The following D2HGDH variants were observed in gnomAD, a reference collection of about 807,000 sequenced individuals.
D2HGDH encodes D-2-hydroxyglutarate dehydrogenase, mitochondrial.
D2HGDH carries 31 observed loss-of-function variants against 46.9 expected under a neutral mutation model. The observed-to-expected ratio is 0.66, with a 90% CI of 0.50 to 0.89. The LOEUF (loss-of-function observed/expected upper bound fraction) is 0.89, where lower values mean the gene tolerates loss of function less well. Ranked by LOEUF, D2HGDH falls within the 40% of genes least tolerant of loss-of-function variation. The pLI is 0.00. For synonymous variants in D2HGDH, 364 were observed against 332.6 expected, an observed-to-expected ratio of 1.09 and a Z score of -1.03; for missense variants, 698 against 720.8, an observed-to-expected ratio of 0.97 and a Z score of 0.36.
In D2HGDH at chr2:241,768,036, G is replaced by A. The variant is rs999415815; in HGVS notation, c.*67G>A. 72 of 1,513,010 alleles carry A rather than the reference G, an allele frequency of 4.8e-5. No homozygotes were observed. The East Asian group carries it at 1.2e-3, about 25-fold the overall frequency. The allele number at this position is 1,513,010 out of a possible 1,614,324, so 93.7% of individuals were successfully genotyped here. ...GGTGGCTCTCGGGCGGGGGTGTTGC[G>A]GTGGCTCTGAGGGATGAGCCGGCAG... On this transcript the variant is annotated 3_prime_UTR_variant, in exon 10 of 10. Coordinates refer to ENST00000321264, the MANE Select transcript of D2HGDH (RefSeq NM_152783.5).
chr2:241,749,511 G>A (rs573841199), intron 6 of D2HGDH: 9 of 607,608 alleles, frequency 1.5e-5, no homozygotes, highest in African/African-American at 1.2e-4. Flanking sequence ...CCAGGGCAGC[G>A]GCCTCACTGG....
At chr2:241,755,263 C>T in intron 8 of D2HGDH, 1 of 1,267,962 alleles carries the variant, frequency 7.9e-7, no homozygotes, top group Non-Finnish European at 1.0e-6. Context: ...CATGTCCTTC[C>T]CTCCCCTGTG....
At chr2:241,760,617 C>T (rs1575332296) in intron 9 of D2HGDH, among the ~76,000 whole-genome samples, 2 of 151,752 alleles carry the variant, frequency 1.3e-5, no homozygotes, top group African/African-American at 4.8e-5. Context: ...GTGGGCCTTA[C>T]CCAATCAGTC....
chr2:241,735,389 G>A lies in D2HGDH; in HGVS notation c.165G>A (p.Arg55=), dbSNP rs1330640846. ...TGACCCGGGAGCGCTACCCCGTGCG[G>A]CGCTTGCCGTTCTCCACGGTGTCTA... ...VPLTRERYPV[R]RLPFSTVSKQ... is the part of the protein sequence containing the mutation. Residue 55 remains arginine (R), a synonymous_variant, in exon 2 of 10, where the codon CGG becomes CGA. Coordinates refer to ENST00000321264, the MANE Select transcript of D2HGDH (RefSeq NM_152783.5). 5 of 1,592,632 alleles carry A rather than the reference G, an allele frequency of 3.1e-6. No homozygotes were observed. Among genetic ancestry groups the A allele is most frequent in the South Asian group, 1.1e-5 (1 of 88,684 alleles).
In D2HGDH at chr2:241,743,535, T is replaced by C; in HGVS notation, c.491-87T>C. 1 of 1,481,174 alleles carries C rather than the reference T, an allele frequency of 6.8e-7. No homozygotes were observed. 91.8% of individuals were successfully genotyped at this position (1,481,174 alleles called of 1,614,324 possible). On this transcript the variant is annotated intron_variant, in intron 4 of 9. Transcript: ENST00000321264. The surrounding 1 kb of genome is among the most constrained non-coding windows in gnomAD (Gnocchi z 4.8). ...GAGGCTGATGTTCCTTCTGGGTGGC[T>C]TGCCTGTGCAAGATGGGGGTTGGGA...
rs184924693 is a variant in D2HGDH, at chr2:241,755,303, C to T, written c.1141-546C>T. On this transcript the variant is annotated intron_variant, in intron 8 of 9. Transcript: ENST00000321264. Reference sequence around the variant, plus strand: ...ACCCGCCATGTCCCTGCCTCCCACCCGACATGCCCCTTGAGCTGCCTGGGC... The same window carrying T: ...ACCCGCCATGTCCCTGCCTCCCACCTGACATGCCCCTTGAGCTGCCTGGGC... 1,577 of 1,303,008 alleles carry T rather than the reference C, an allele frequency of 1.2e-3. 1 individual carries two copies. Among genetic ancestry groups the T allele is most frequent in the Non-Finnish European group, 1.4e-3 (1,377 of 988,926 alleles). The allele number at this position is 1,303,008 out of a possible 1,614,324, so 80.7% of individuals were successfully genotyped here.
Position 241,743,497 on chromosome 2 carries a change from C to A in D2HGDH, c.491-125C>A. ...GCGATGTGGGGGTGCCTCTTCTCCT[C>A]AGCCCTGGCGCTGAGGCTGATGTTC... is the stretch of plus-strand genomic sequence containing the variant. On this transcript the variant is annotated intron_variant, in intron 4 of 9. Transcript: ENST00000321264. This position sits in a 1 kb window ranked among gnomAD's most constrained non-coding sequence, Gnocchi z 4.8. The A allele has an allele frequency of 9.0e-7, 1 of 1,114,264 alleles. No homozygotes were observed. 69.0% of individuals were successfully genotyped at this position (1,114,264 alleles called of 1,614,324 possible).
rs996728245 is a variant in D2HGDH at position 241,743,588 on chromosome 2, C to T, written c.491-34C>T. 1.2e-6 allele frequency: 2 copies of T among 1,602,978 alleles called. No individual in the cohort carries two copies. The highest frequency in any genetic ancestry group is 1.7e-6 in the Non-Finnish European group (2 of 1,175,572). ...CACCAGCCCGGGGGCCCACTGGAAG[C>T]CAAGTGCTGCGGCAGCCTGGTCACT... is the stretch of plus-strand genomic sequence containing the variant. On this transcript the variant is annotated intron_variant, in intron 4 of 9. Transcript: ENST00000321264. This position sits in a 1 kb window ranked among gnomAD's most constrained non-coding sequence, Gnocchi z 4.8.
intron 8 of D2HGDH, chr2:241,755,426 G>A (rs555692082): frequency 6.9e-5 from 90 of 1,308,498 alleles, no homozygotes; most frequent in Middle Eastern, 2.1e-4. Flanking sequence ...TCATCCTCAG[G>A]GCCTTCCCTG....
At chr2:241,753,001 G>A (rs1276348767) in intron 8 of D2HGDH, among the ~76,000 whole-genome samples, 2 of 151,332 alleles carry the variant, frequency 1.3e-5, no homozygotes, top group South Asian at 2.1e-4. Flanking sequence ...CCCCTCCACA[G>A]CCTGGTCCAG....
chr2:241,764,832 T>C (rs1329309479), intron 9 of D2HGDH, among the ~76,000 whole-genome samples: 1 of 152,182 alleles, frequency 6.6e-6, no homozygotes, highest in Non-Finnish European at 1.5e-5. Context: ...TCTGGCTCCC[T>C]CTCCTGCTGG....
chr2:241,735,356 G>C lies in D2HGDH; in HGVS notation c.132G>C (p.Glu44Asp). 3 of 1,563,608 alleles carry C rather than the reference G, an allele frequency of 1.9e-6. No homozygotes were observed. The highest frequency in any genetic ancestry group is 2.6e-6 in the Non-Finnish European group (3 of 1,158,646). ...GCTGCTCCGCCCCGGGGACCCCCGA[G>C]GTGCCGCTGACCCGGGAGCGCTACC... is the stretch of plus-strand genomic sequence containing the variant. Reference protein sequence around the residue: ...RGCCSAPGTPEVPLTRERYPV... With the variant: ...RGCCSAPGTPDVPLTRERYPV... Residue 44 changes from glutamate to aspartate, a missense_variant, in exon 2 of 10, where the codon GAG becomes GAC. Transcript: ENST00000321264.
At chr2:241,764,308 G>A (rs1420485276) in intron 9 of D2HGDH, among the ~76,000 whole-genome samples, 1 of 152,226 alleles carries the variant, frequency 6.6e-6, no homozygotes, top group Non-Finnish European at 1.5e-5. Flanking sequence ...TCCCAGCTGG[G>A]ATGGACCCTG....
chr2:241,744,464 C>T (rs1695346853), intron 5 of D2HGDH, among the ~76,000 whole-genome samples: 1 of 152,256 alleles, frequency 6.6e-6, no homozygotes, highest in African/African-American at 2.4e-5. Context: ...CCAGAGGTGG[C>T]TGGGTCCTGG....
chr2:241,755,684 T>G lies in D2HGDH; in HGVS notation c.1141-165T>G, dbSNP rs755911804. The G allele has an allele frequency of 3.9e-6, 6 of 1,553,788 alleles. No individual in the cohort carries two copies. In the South Asian group the frequency reaches 7.0e-5, roughly 18 times the overall value. On this transcript the variant is annotated intron_variant, in intron 8 of 9. Transcript: ENST00000321264. Reference sequence around the variant, plus strand: ...CTCCTGGTCTGGGACATTCGCTGTCTGGGGTTGGAGCCACACCTGGTCTGG... The same window carrying G: ...CTCCTGGTCTGGGACATTCGCTGTCGGGGGTTGGAGCCACACCTGGTCTGG...
Position 241,744,882 on chromosome 2 carries a change from G to A in D2HGDH, c.853+5G>A. ...CTGTGAACGTGGCTTTCCTCGGTGG[G>A]CTTCCTCGATGTGTGCCTTGAGATG... On this transcript the variant is annotated splice_donor_5th_base_variant and intron_variant, in intron 6 of 9. Coordinates refer to ENST00000321264, the MANE Select transcript of D2HGDH (RefSeq NM_152783.5). The A allele has an allele frequency of 6.2e-7, 1 of 1,614,018 alleles. No homozygotes were observed. The highest frequency in any genetic ancestry group is 8.5e-7 in the Non-Finnish European group (1 of 1,179,934).
rs1485830649 is a variant in D2HGDH, at chr2:241,742,908, C to T, written c.490+334C>T. On this transcript the variant is annotated intron_variant, in intron 4 of 9. Coordinates refer to ENST00000321264, the MANE Select transcript of D2HGDH (RefSeq NM_152783.5). This position sits in a 1 kb window ranked among gnomAD's most constrained non-coding sequence, Gnocchi z 4.8. ...GGGATCCTGACCCAGGGCGCCAGGG[C>T]GTGGCAGGCGTGAGGGGATCCTGAC... Among the ~76,000 whole-genome samples, 3 of 142,086 alleles carry T rather than the reference C, an allele frequency of 2.1e-5. No individual in the cohort carries two copies. Among genetic ancestry groups the T allele is most frequent in the East Asian group, 2.1e-4 (1 of 4,686 alleles). 93.2% of individuals were successfully genotyped at this position (142,086 alleles called of 152,430 possible).
chr2:241,762,232 C>T (rs2002092), intron 9 of D2HGDH, among the ~76,000 whole-genome samples: 18,860 of 151,664 alleles, frequency 0.12, 1,259 homozygotes, highest in South Asian at 0.2. Context: ...CCACCACACC[C>T]GGCTAATTTT....
intron 2 of D2HGDH, among the ~76,000 whole-genome samples, chr2:241,739,568 A>G (rs1693872864): frequency 6.6e-6 from 1 of 152,250 alleles, no homozygotes; most frequent in Non-Finnish European, 1.5e-5. Flanking sequence ...GGCTCCCGTG[A>G]CTGCACCTGC....
Sources: allele counts gnomAD v4.1 joint callset (sites outside exome capture counted in the v4.1 genomes callset), GRCh38; gene constraint gnomAD v4.1.1; non-coding constraint Gnocchi (gnomAD v3.1); transcripts MANE v1.5; gene names NCBI Gene and HGNC (gene_info 2026-07-23, HGNC 2026-07-21).